Variants in CTNNA3 observed in about 807,000 individuals in gnomAD.
The protein encoded by CTNNA3 is catenin alpha-3.
In CTNNA3, 76 loss-of-function variants were observed where a neutral mutation model predicts 95.7. That is an observed-to-expected ratio of 0.79 (90% confidence interval 0.66 to 0.96). The LOEUF (loss-of-function observed/expected upper bound fraction) is 0.96. CTNNA3 is among the 40% of genes least tolerant of loss of function. The pLI, the probability that CTNNA3 is intolerant of heterozygous loss-of-function variation, is 0.00. For missense variants in CTNNA3, 1,191 were observed against 1,089.8 expected, an observed-to-expected ratio of 1.09 and a Z score of -1.31; for synonymous variants, 431 against 374.4, an observed-to-expected ratio of 1.15 and a Z score of -1.74.
At chr10:67,257,594 T>C (rs1866412051) in intron 5 of CTNNA3, among the ~76,000 whole-genome samples, 1 of 152,182 alleles carries the variant, frequency 6.6e-6, no homozygotes, top group African/African-American at 2.4e-5. Context: ...TATGCTCCAG[T>C]ACACTGACTC....
intron 7 of CTNNA3, among the ~76,000 whole-genome samples, chr10:67,112,483 G>A (rs964358129): frequency 1.3e-5 from 2 of 152,086 alleles, no homozygotes; most frequent in Non-Finnish European, 2.9e-5. Context: ...CACTTATTTA[G>A]TCAAGTTTAC....
intron 7 of CTNNA3, among the ~76,000 whole-genome samples, chr10:67,172,875 T>TGAGGCAGGAGAACCACTTGAACCCAG: frequency 6.6e-6 from 1 of 151,570 alleles, no homozygotes; most frequent in Admixed American, 6.6e-5. Flanking sequence ...CTCGAAAGGC[T>TGAGGCAGGAGAACCACTTGAACCCAG]GAGGCAGGAG....
chr10:66,146,891 T>G (rs2083912960), intron 13 of CTNNA3, among the ~76,000 whole-genome samples: 1 of 152,094 alleles, frequency 6.6e-6, no homozygotes, highest in Non-Finnish European at 1.5e-5. Flanking sequence ...ACTTAGGAGA[T>G]CTGATAGAGG....
chr10:67,494,444 TG>T (rs1387716087), intron 5 of CTNNA3, among the ~76,000 whole-genome samples: 3 of 152,250 alleles, frequency 2.0e-5, no homozygotes, highest in African/African-American at 7.2e-5. Flanking sequence ...AGGTTTCTTT[TG>T]TAGGCCTGAC....
At chr10:66,269,845 C>A (rs943097868) in intron 13 of CTNNA3, among the ~76,000 whole-genome samples, 1 of 152,120 alleles carries the variant, frequency 6.6e-6, no homozygotes, top group Non-Finnish European at 1.5e-5. Flanking sequence ...GTCACCTGAA[C>A]TAGGTGAAAT....
intron 5 of CTNNA3, among the ~76,000 whole-genome samples, chr10:67,404,823 C>G (rs1485618421): frequency 6.6e-6 from 1 of 152,084 alleles, no homozygotes; most frequent in Non-Finnish European, 1.5e-5. Context: ...AAAGGCGAGG[C>G]CACCTACAAA....
At chr10:66,236,762 T>A (rs560892445) in intron 13 of CTNNA3, among the ~76,000 whole-genome samples, 1 of 152,010 alleles carries the variant, frequency 6.6e-6, no homozygotes, top group Non-Finnish European at 1.5e-5. Context: ...AGGATTTGTT[T>A]AGCTGTTGAT....
intron 12 of CTNNA3, among the ~76,000 whole-genome samples, chr10:66,303,489 T>A (rs1194114540): frequency 6.9e-6 from 1 of 144,594 alleles, no homozygotes; most frequent in Non-Finnish European, 1.5e-5. Context: ...TGCACATCAT[T>A]ATGGGTAAAA....
intron 12 of CTNNA3, among the ~76,000 whole-genome samples, chr10:66,295,375 C>A (rs1304945144): frequency 1.3e-5 from 2 of 152,102 alleles, no homozygotes; most frequent in Admixed American, 6.6e-5. Flanking sequence ...GCAGAACCAA[C>A]CTCCAGCAAA....
chr10:66,873,434 T>C (rs556053966), intron 7 of CTNNA3, among the ~76,000 whole-genome samples: 8 of 152,210 alleles, frequency 5.3e-5, no homozygotes, highest in African/African-American at 1.9e-4. Flanking sequence ...TGGTGTCTCA[T>C]TGTGGTTTTG....
rs1050345052 is a variant in CTNNA3, at chr10:66,140,104, C to G, written c.1885-36855G>C. On this transcript the variant is annotated intron_variant, in intron 13 of 17. Coordinates refer to ENST00000433211, the MANE Select transcript of CTNNA3 (RefSeq NM_013266.4). ...GATTTTGAGCAGCTCCATTTATGCA[C>G]AGAGTAGGGACCAAAATTCTAACTA... 7.2e-5 allele frequency among the ~76,000 whole-genome samples: 11 copies of G among 152,164 alleles called. 1 individual carries two copies. The highest frequency in any genetic ancestry group is 2.2e-4 in the African/African-American group (9 of 41,436).
chr10:67,294,161 T>C (rs1839944896), intron 5 of CTNNA3, among the ~76,000 whole-genome samples: 1 of 152,156 alleles, frequency 6.6e-6, no homozygotes. Context: ...ACACCTCGCT[T>C]TTTGAGTGTT....
chr10:67,008,925 T>C (rs1288463240), intron 7 of CTNNA3, among the ~76,000 whole-genome samples: 1 of 152,196 alleles, frequency 6.6e-6, no homozygotes, highest in Non-Finnish European at 1.5e-5. Flanking sequence ...AAAATGTTTG[T>C]GCATTTGAAT....
At chr10:66,020,471 T>C (rs544970594) in intron 15 of CTNNA3, among the ~76,000 whole-genome samples, 1 of 152,300 alleles carries the variant, frequency 6.6e-6, no homozygotes, top group Non-Finnish European at 1.5e-5. Flanking sequence ...ACCTGTATTC[T>C]CAACACTCTT....
chr10:66,926,272 A>C, intron 7 of CTNNA3: 1 of 451,884 alleles, frequency 2.2e-6, no homozygotes, highest in Non-Finnish European at 4.1e-6. Flanking sequence ...TTTTTTTTTT[A>C]ACCGCCCCCT....
chr10:66,609,301 A>AG (rs1844244690), intron 10 of CTNNA3, among the ~76,000 whole-genome samples: 1 of 147,968 alleles, frequency 6.8e-6, no homozygotes, highest in African/African-American at 2.5e-5. Context: ...GACCTCAAGC[A>AG]ATCTGCCCTC....
At chr10:66,155,011 G>A (rs1326982840) in intron 13 of CTNNA3, among the ~76,000 whole-genome samples, 1 of 151,474 alleles carries the variant, frequency 6.6e-6, no homozygotes, top group African/African-American at 2.4e-5. Flanking sequence ...CTTTACCATT[G>A]TAGCACAAAA....
intron 12 of CTNNA3, among the ~76,000 whole-genome samples, chr10:66,290,806 C>T (rs753270339): frequency 6.6e-5 from 10 of 152,038 alleles, no homozygotes; most frequent in Admixed American, 2.0e-4. Context: ...ACAAATTATT[C>T]GAAATTGATG....
intron 13 of CTNNA3, among the ~76,000 whole-genome samples, chr10:66,274,859 T>A (rs1333530230): frequency 1.3e-5 from 2 of 152,144 alleles, no homozygotes; most frequent in Non-Finnish European, 2.9e-5. Flanking sequence ...AATCTCCAAC[T>A]TCAGGAATAT....
Sources: gnomAD v4.1 joint callset for allele counts (sites outside exome capture counted in the v4.1 genomes callset) on GRCh38, gnomAD v4.1.1 for gene constraint, MANE v1.5 for transcripts, NCBI Gene and HGNC (gene_info 2026-07-23, HGNC 2026-07-21) for gene names.